Variants in CDKL4 observed in about 807,000 individuals in gnomAD.
The protein encoded by CDKL4 is cyclin dependent kinase like 4.
In CDKL4, 44 loss-of-function variants were observed where a neutral mutation model predicts 42.0. The observed-to-expected ratio is 1.05, with a 90% confidence interval of 0.82 to 1.35. The LOEUF is 1.35. Among genes scored for constraint, CDKL4 ranks in the 40% most tolerant of loss-of-function variants. The pLI, the probability that CDKL4 is intolerant of heterozygous loss-of-function variation, is 0.00. For missense variants in CDKL4, 393 were observed against 369.9 expected, an observed-to-expected ratio of 1.06 and a Z score of -0.51; for synonymous variants, 120 against 121.6, an observed-to-expected ratio of 0.99 and a Z score of 0.09.
At chr2:39,171,433 CT>C (rs1325594258), downstream of CDKL4, among the ~76,000 whole-genome samples, 4 of 152,116 alleles carry the variant, frequency 2.6e-5, no homozygotes, top group Non-Finnish European at 5.9e-5. Context: ...TCAAAAGCTT[CT>C]TGAATACAAC....
chr2:39,193,366 A>G (rs1272233754), intron 5 of CDKL4, among the ~76,000 whole-genome samples: 1 of 149,130 alleles, frequency 6.7e-6, no homozygotes, highest in Admixed American at 6.7e-5. Flanking sequence ...AATTATTATT[A>G]TTATTATTAT....
chr2:39,187,573 C>T lies in CDKL4; in HGVS notation c.735+54G>A, dbSNP rs372998515. The T allele has an allele frequency of 3.1e-4, 392 of 1,249,028 alleles. 1 individual carries two copies. The East Asian group carries it at 6.9e-3, about 22-fold the overall frequency. The allele number at this position is 1,249,028 out of a possible 1,614,324, so 77.4% of individuals were successfully genotyped here. ...ATAAATAAATAAATAACAACTACCT[C>T]TTTAAAGAAAGCCGCAACACAAGTA... is the stretch of plus-strand genomic sequence containing the variant. On this transcript the variant is annotated intron_variant, in intron 7 of 9. Coordinates refer to ENST00000451199, the Ensembl canonical transcript of CDKL4.
intron 8 of CDKL4, among the ~76,000 whole-genome samples, chr2:39,182,102 C>A (rs529963200): frequency 6.6e-6 from 1 of 152,160 alleles, no homozygotes; most frequent in African/African-American, 2.4e-5. Flanking sequence ...CCGCCTTAGC[C>A]TCCCAAGTAG....
chr2:39,241,800 C>G (rs1039283228), intron 1 of CDKL4, among the ~76,000 whole-genome samples: 7 of 152,182 alleles, frequency 4.6e-5, no homozygotes, highest in African/African-American at 1.7e-4. Context: ...AACATTATCA[C>G]ATTGCCTTCT....
intron 4 of CDKL4, among the ~76,000 whole-genome samples, chr2:39,204,998 A>G (rs561838877): frequency 4.8e-4 from 73 of 151,878 alleles, no homozygotes; most frequent in African/African-American, 1.7e-3. Context: ...GGGCAATGCA[A>G]TGAGACCCTG....
At chr2:39,206,008 A>C (rs1677162543) in intron 4 of CDKL4, among the ~76,000 whole-genome samples, 1 of 151,836 alleles carries the variant, frequency 6.6e-6, no homozygotes. Context: ...CATACTGGGA[A>C]AGTGGGACCC....
intron 4 of CDKL4, among the ~76,000 whole-genome samples, chr2:39,207,590 T>C (rs1426528904): frequency 1.3e-5 from 2 of 152,196 alleles, no homozygotes; most frequent in Non-Finnish European, 2.9e-5. Flanking sequence ...ACCAAGTAAA[T>C]GGATTTACAT....
At chr2:39,239,086 G>A (rs1679515930) in intron 1 of CDKL4, among the ~76,000 whole-genome samples, 1 of 152,086 alleles carries the variant, frequency 6.6e-6, no homozygotes, top group Non-Finnish European at 1.5e-5. Context: ...GCAGCAATTC[G>A]ACAAGGAAAG....
intron 8 of CDKL4, among the ~76,000 whole-genome samples, chr2:39,181,500 G>GC (rs1675436090): frequency 6.6e-6 from 1 of 152,084 alleles, no homozygotes; most frequent in Non-Finnish European, 1.5e-5. Context: ...CTTAACATCT[G>GC]CCTCAAGGTC....
chr2:39,220,510 T>C (rs868629400), intron 3 of CDKL4, among the ~76,000 whole-genome samples: 1 of 152,180 alleles, frequency 6.6e-6, no homozygotes, highest in Non-Finnish European at 1.5e-5. Context: ...TCATGGGTGT[T>C]GGACCAGAGG....
downstream of CDKL4, among the ~76,000 whole-genome samples, chr2:39,173,812 CAA>C (rs548800502): frequency 0.75 from 71,428 of 94,902 alleles, 27,178 homozygotes; most frequent in Non-Finnish European, 0.87. Flanking sequence ...GACTCCATCT[CAA>C]AAAAAAAAAA....
At chr2:39,190,163 C>A (rs1202397146) in intron 6 of CDKL4, 142 bp downstream of exon 6, 6 of 589,298 alleles carry the variant, frequency 1.0e-5, no homozygotes, top group Non-Finnish European at 1.6e-5. Flanking sequence ...CAACCCAGAA[C>A]TGAGAACAAC....
chr2:39,216,517 G>A (rs929953841), intron 3 of CDKL4, among the ~76,000 whole-genome samples: 3 of 152,232 alleles, frequency 2.0e-5, no homozygotes, highest in Non-Finnish European at 4.4e-5. Flanking sequence ...ATAATATGGA[G>A]AATGGATTTC....
chr2:39,206,727 T>A (rs1251076968), intron 4 of CDKL4, among the ~76,000 whole-genome samples: 1 of 152,250 alleles, frequency 6.6e-6, no homozygotes, highest in Non-Finnish European at 1.5e-5. Flanking sequence ...TATTTCATCC[T>A]TGCAACAATC....
At chr2:39,190,070 T>C (rs1676083122) in intron 6 of CDKL4, among the ~76,000 whole-genome samples, 1 of 152,174 alleles carries the variant, frequency 6.6e-6, no homozygotes, top group Non-Finnish European at 1.5e-5. Flanking sequence ...CATGGCTAAT[T>C]GACTTTTCCT....
intron 5 of CDKL4, among the ~76,000 whole-genome samples, chr2:39,194,269 C>T (rs916195947): frequency 1.5e-4 from 23 of 152,068 alleles, no homozygotes; most frequent in Non-Finnish European, 3.1e-4. Context: ...TGAGCCTGGG[C>T]CCCATGGTGA....
chr2:39,203,497 G>C (rs1166928003), intron 5 of CDKL4, among the ~76,000 whole-genome samples: 1 of 152,058 alleles, frequency 6.6e-6, no homozygotes, highest in Non-Finnish European at 1.5e-5. Flanking sequence ...ACCATGCATT[G>C]GATGACTATC....
chr2:39,217,701 ATTAT>A lies in CDKL4; in HGVS notation c.291-4233_291-4230del, dbSNP rs145033516. 8.3e-3 allele frequency among the ~76,000 whole-genome samples: 1,221 copies of A among 147,800 alleles called. 15 individuals carry two copies. Among genetic ancestry groups the A allele is most frequent in the African/African-American group, 0.019 (751 of 40,368 alleles). On this transcript the variant is annotated intron_variant, in intron 3 of 9. Coordinates refer to ENST00000451199, the Ensembl canonical transcript of CDKL4. The stretch of plus-strand genomic sequence containing the variant: ...TCTCTGAACATGCCAGGCTTATTTT[ATTAT>A]TTATTTATTTATTTATTTATTTATT...
chr2:39,227,388 C>T (rs375014798), intron 2 of CDKL4, among the ~76,000 whole-genome samples: 22 of 152,290 alleles, frequency 1.4e-4, no homozygotes, highest in Middle Eastern at 6.8e-3. Flanking sequence ...TATCTATTAA[C>T]GTAAGCATGG....
Sources: allele counts gnomAD v4.1 joint callset (sites outside exome capture counted in the v4.1 genomes callset), GRCh38; gene constraint gnomAD v4.1.1; transcripts MANE v1.5; gene names NCBI Gene and HGNC (gene_info 2026-07-23, HGNC 2026-07-21).